The following PDIA6 variants were observed in gnomAD, a reference collection of about 807,000 sequenced individuals.
The protein encoded by PDIA6 is protein disulfide isomerase family A member 6.
Under a neutral mutation model 58.4 loss-of-function variants are expected in PDIA6, and 29 were observed. That is an observed-to-expected ratio of 0.50 (90% CI 0.37 to 0.68). The LOEUF is 0.68. Among genes scored for constraint, PDIA6 ranks in the 30% least tolerant of loss-of-function variants. PDIA6 has a pLI of 0.00. For missense variants in PDIA6, 480 were observed against 551.0 expected (o/e 0.87, Z 1.29); for synonymous variants, 192 against 202.6 (o/e 0.95, Z 0.44).
intron 1 of PDIA6, among the ~76,000 whole-genome samples, chr2:10,823,899 G>C (rs117417682): frequency 1.3e-5 from 2 of 151,190 alleles, no homozygotes; most frequent in Admixed American, 6.6e-5. Context: ...ATAGATTTGG[G>C]GATACAAAGG....
intron 7 of PDIA6, 138 bp downstream of exon 7, chr2:10,790,581 A>G (rs1558440512): frequency 1.6e-6 from 1 of 634,818 alleles, no homozygotes; most frequent in South Asian, 2.0e-5. Flanking sequence ...AGTTATGACA[A>G]TAAAGTGACT....
exon 2 of PDIA6, chr2:10,819,345 G>T: frequency 7.8e-6 from 12 of 1,531,768 alleles, no homozygotes; most frequent in Non-Finnish European, 1.1e-5. Context: ...GGCAGGAGAA[G>T]TTGGTGAGCC....
At chr2:10,827,385 A>G (rs776803175) in intron 1 of PDIA6, among the ~76,000 whole-genome samples, 3 of 152,114 alleles carry the variant, frequency 2.0e-5, no homozygotes, top group Admixed American at 6.5e-5. Flanking sequence ...TTATTTGTTT[A>G]TCATCTGTCT....
intron 11 of PDIA6, among the ~76,000 whole-genome samples, chr2:10,785,614 C>T (rs970033030): frequency 6.6e-6 from 1 of 151,992 alleles, no homozygotes; most frequent in Non-Finnish European, 1.5e-5. Flanking sequence ...CACCAATGGG[C>T]TAGAATAAGC....
upstream of PDIA6, among the ~76,000 whole-genome samples, chr2:10,832,849 G>A (rs1275321001): frequency 2.0e-5 from 3 of 152,164 alleles, no homozygotes; most frequent in Non-Finnish European, 4.4e-5. Flanking sequence ...AGGCGGTGAG[G>A]ATCACCTGGG....
chr2:10,806,042 A>AC (rs1374530392), intron 1 of PDIA6, among the ~76,000 whole-genome samples: 10 of 105,584 alleles, frequency 9.5e-5, no homozygotes, highest in African/African-American at 2.8e-4. Context: ...AAAAAAAAAA[A>AC]AACGAAAAAA....
intron 1 of PDIA6, among the ~76,000 whole-genome samples, chr2:10,808,993 G>T (rs1326916513): frequency 6.6e-6 from 1 of 152,098 alleles, no homozygotes; most frequent in East Asian, 1.9e-4. Flanking sequence ...TATTTTAGTA[G>T]AGATGGGGTT....
chr2:10,834,717 CCCTCCCTTCCTTCCCT>C (rs1558468693), upstream of PDIA6, among the ~76,000 whole-genome samples: 29 of 49,726 alleles, frequency 5.8e-4, no homozygotes, highest in South Asian at 2.0e-3. Flanking sequence ...CTCCCTCCCT[CCCTCCCTTCCTTCCCT>C]CCTTCCTTCC....
At chr2:10,788,874 G>C in intron 9 of PDIA6, 23 bp downstream of exon 9, 1 of 1,595,190 alleles carries the variant, frequency 6.3e-7, no homozygotes, top group Non-Finnish European at 8.6e-7. Flanking sequence ...ACAGCTAAGG[G>C]AAATCATTTC....
rs1016231219 is a variant in PDIA6, at chr2:10,789,772, C to T, written c.817G>A (p.Ala273Thr). The change falls in exon 8 of 13, where the codon GCC (alanine) becomes ACC (threonine). Residue 273 changes from alanine (A) to threonine (T), a missense_variant. Transcript: ENST00000272227. The stretch of plus-strand genomic sequence containing the variant: ...ACCTCAAGCAGCTCAGGAGGTGGGG[C>T]GTTATCAGAAAACAAATCAAGGGCC... ...SRALDLFSDN[A>T]PPPELLEIIN... 3.1e-5 allele frequency: 50 copies of T among 1,613,686 alleles called. No homozygotes were observed. Among genetic ancestry groups the T allele is most frequent in the East Asian group, 1.1e-4 (5 of 44,882 alleles).
rs754643092 is a variant in PDIA6 at position 10,803,911 on chromosome 2, G to GTTTTTTTTTTTTTTTTTTTT, written c.20-1272_20-1271insAAAAAAAAAAAAAAAAAAAA. 4.2e-4 allele frequency among the ~76,000 whole-genome samples: 50 copies of GTTTTTTTTTTTTTTTTTTTT among 117,898 alleles called. 4 individuals carry two copies. Among genetic ancestry groups the GTTTTTTTTTTTTTTTTTTTT allele is most frequent in the Non-Finnish European group, 6.7e-4 (38 of 56,562 alleles). 77.3% of individuals were successfully genotyped at this position (117,898 alleles called of 152,430 possible). ...TGCGTGTTTGTGTCCTAGTTTTTGT[G>GTTTTTTTTTTTTTTTTTTTT]TTTTTTTTTTTTTTTGAGACAGAGT... On this transcript the variant is annotated intron_variant, in intron 1 of 12. Transcript: ENST00000272227.
chr2:10,784,441 TCTC>T (rs1169635585), intron 12 of PDIA6, 115 bp from the exon 13 acceptor site: 4 of 752,444 alleles, frequency 5.3e-6, no homozygotes, highest in South Asian at 1.9e-5. Context: ...CAATCCAGGT[TCTC>T]CTCAGTCTGA....
chr2:10,831,061 C>T (rs1242119592), intron 1 of PDIA6, among the ~76,000 whole-genome samples: 2 of 152,224 alleles, frequency 1.3e-5, no homozygotes, highest in Non-Finnish European at 2.9e-5. Context: ...GCGGACTCCG[C>T]TCTGCTTCCA....
chr2:10,820,286 G>T (rs575426651), intron 1 of PDIA6, among the ~76,000 whole-genome samples: 13 of 152,318 alleles, frequency 8.5e-5, no homozygotes, highest in Non-Finnish European at 1.6e-4. Context: ...TGGGGAGGTG[G>T]TGTCTGATCT....
chr2:10,818,730 T>G (rs1667295206), intron 2 of PDIA6, among the ~76,000 whole-genome samples: 1 of 146,100 alleles, frequency 6.8e-6, no homozygotes. Context: ...GCCATGTTGG[T>G]CAGGCTGGTC....
chr2:10,831,096 T>C (rs1490931907), intron 1 of PDIA6, among the ~76,000 whole-genome samples: 2 of 152,144 alleles, frequency 1.3e-5, no homozygotes, highest in Non-Finnish European at 2.9e-5. Flanking sequence ...CCCCCTTCTC[T>C]CTTTCCGGGA....
In PDIA6 at chr2:10,837,501, G is replaced by C. The variant is rs1290905940; in HGVS notation, c.82+23C>G. On this transcript the variant is annotated intron_variant, in intron 1 of 13. Coordinates refer to the PDIA6 transcript ENST00000404824. ...TGGAAACTCCAGATGGTGATTTAAGGAGCACTTATGCAGCACACTTACCAC... is the reference window on the plus strand; with the variant it reads ...TGGAAACTCCAGATGGTGATTTAAGCAGCACTTATGCAGCACACTTACCAC... The C allele has an allele frequency of 7.1e-6, 5 of 703,702 alleles. No homozygotes were observed. The African/African-American group carries it at 8.7e-5, about 12-fold the overall frequency. The allele number at this position is 703,702 out of a possible 1,614,324, so 43.6% of individuals were successfully genotyped here.
intron 1 of PDIA6, among the ~76,000 whole-genome samples, chr2:10,824,680 G>A (rs1243861277): frequency 6.6e-6 from 1 of 152,272 alleles, no homozygotes; most frequent in Non-Finnish European, 1.5e-5. Context: ...TGGGGATGAA[G>A]CTGAAGCGGG....
At position 10,802,467 on chromosome 2, in the gene PDIA6, T is replaced by C. The variant is rs369264571; in HGVS notation, c.161+32A>G. 5.5e-6 allele frequency: 7 copies of C among 1,266,222 alleles called. No individual in the cohort carries two copies. The East Asian group carries it at 1.9e-4, about 35-fold the overall frequency. The allele number at this position is 1,266,222 out of a possible 1,614,324, so 78.4% of individuals were successfully genotyped here. ...TTTTCTCCAATTTCAGAAAGTACTA[T>C]AAATAATCTACAACTATTTTATAAT... On this transcript the variant is annotated intron_variant, in intron 2 of 12. Coordinates refer to ENST00000272227, the MANE Select transcript of PDIA6 (RefSeq NM_005742.4).
Sources: allele counts gnomAD v4.1 joint callset (sites outside exome capture counted in the v4.1 genomes callset), GRCh38; gene constraint gnomAD v4.1.1; transcripts MANE v1.5; gene names NCBI Gene and HGNC (gene_info 2026-07-23, HGNC 2026-07-21).